Variants in GRIA2 observed in about 807,000 individuals in gnomAD.
GRIA2 encodes glutamate receptor 2.
In GRIA2, 14 loss-of-function variants were observed where a neutral mutation model predicts 97.3. That is an observed-to-expected ratio of 0.14 (90% confidence interval 0.10 to 0.23). GRIA2 has a LOEUF of 0.23. Ranked by LOEUF, GRIA2 falls within the 10% of genes least tolerant of loss-of-function variation. The pLI, the probability that GRIA2 is intolerant of heterozygous loss-of-function variation, is 1.00. For synonymous variants in GRIA2, 412 were observed against 387.8 expected (o/e 1.06, Z -0.73); for missense variants, 558 against 1,069.8 (o/e 0.52, Z 6.67).
At chr4:157,353,296 G>T (rs1736097937) in intron 12 of GRIA2, among the ~76,000 whole-genome samples, 1 of 152,002 alleles carries the variant, frequency 6.6e-6, no homozygotes, top group South Asian at 2.1e-4. Flanking sequence ...AGGTTATGGT[G>T]AGCCAAGATG....
intron 3 of GRIA2, among the ~76,000 whole-genome samples, chr4:157,304,063 A>T (rs556699879): frequency 6.6e-6 from 1 of 152,278 alleles, no homozygotes; most frequent in Non-Finnish European, 1.5e-5. Flanking sequence ...ATAAAAAGCA[A>T]TTTTTTGCAT....
intron 2 of GRIA2, among the ~76,000 whole-genome samples, chr4:157,288,784 T>C (rs1357330174): frequency 6.6e-6 from 1 of 151,828 alleles, no homozygotes; most frequent in African/African-American, 2.4e-5. Flanking sequence ...TGTATTTCTA[T>C]ATTCAGTAGT....
chr4:157,243,447 G>T (rs927837406), intron 2 of GRIA2, among the ~76,000 whole-genome samples: 2 of 152,130 alleles, frequency 1.3e-5, no homozygotes, highest in Non-Finnish European at 2.9e-5. Flanking sequence ...GGAAGAAATT[G>T]AGGGGAAATG....
chr4:157,251,951 T>C (rs1731039304), intron 2 of GRIA2, among the ~76,000 whole-genome samples: 1 of 152,082 alleles, frequency 6.6e-6, no homozygotes, highest in Non-Finnish European at 1.5e-5. Context: ...TTTCATAATA[T>C]TAATAATATC....
chr4:157,221,065 C>T lies in GRIA2; in HGVS notation c.23C>T (p.Ser8Phe). MQKIMHI[S>F]VLLSPVLWGL... ...GAAATGCAAAAGATTATGCATATTTCTGTCCTCCTTTCTCCTGTTTTATGG... is the reference window on the plus strand; with the variant it reads ...GAAATGCAAAAGATTATGCATATTTTTGTCCTCCTTTCTCCTGTTTTATGG... The change falls in exon 1 of 16, where the codon TCT becomes TTT. Residue 8 changes from serine to phenylalanine, a missense_variant. Around this residue, in one of 8 missense-constraint regions of GRIA2, gnomAD observed 96 missense variants for 176.6 expected, o/e 0.54. Coordinates refer to ENST00000264426, the MANE Select transcript of GRIA2 (RefSeq NM_001083619.3). 6.3e-7 allele frequency: 1 copy of T among 1,587,220 alleles called. No homozygotes were observed. Among genetic ancestry groups the T allele is most frequent in the Non-Finnish European group, 8.7e-7 (1 of 1,155,428 alleles).
chr4:157,313,404 G>A (rs1396184761), intron 4 of GRIA2, among the ~76,000 whole-genome samples: 1 of 152,062 alleles, frequency 6.6e-6, no homozygotes, highest in Non-Finnish European at 1.5e-5. Context: ...AAAATATGTA[G>A]GAAGGACACA....
At chr4:157,326,400 G>A (rs542159676) in intron 6 of GRIA2, among the ~76,000 whole-genome samples, 1 of 152,086 alleles carries the variant, frequency 6.6e-6, no homozygotes, top group African/African-American at 2.4e-5. Context: ...CCTCCTACTT[G>A]AAAGTAAGTG....
chr4:157,228,919 C>T (rs1432538031), intron 2 of GRIA2, among the ~76,000 whole-genome samples: 3 of 147,126 alleles, frequency 2.0e-5, no homozygotes, highest in African/African-American at 7.6e-5. Context: ...AGGCCCCTGA[C>T]CGTTATGGGT....
chr4:157,317,856 A>T (rs1283691640), intron 5 of GRIA2, 145 bp downstream of exon 5: 2 of 462,452 alleles, frequency 4.3e-6, no homozygotes, highest in African/African-American at 4.1e-5. Flanking sequence ...GGCACCTGTA[A>T]TCCCAGCTAC....
intron 2 of GRIA2, among the ~76,000 whole-genome samples, chr4:157,286,138 T>C (rs546946137): frequency 1.3e-5 from 2 of 151,592 alleles, no homozygotes; most frequent in Non-Finnish European, 3.0e-5. Flanking sequence ...ATATACCATA[T>C]AGAATCTATT....
chr4:157,355,833 AT>A (rs1311173858), intron 12 of GRIA2, among the ~76,000 whole-genome samples: 163 of 70,096 alleles, frequency 2.3e-3, no homozygotes, highest in African/African-American at 6.1e-3. Context: ...ATTTATATAT[AT>A]TTTTATATAT....
intron 2 of GRIA2, among the ~76,000 whole-genome samples, chr4:157,239,304 AT>A (rs1034780625): frequency 2.6e-5 from 4 of 151,842 alleles, no homozygotes; most frequent in Non-Finnish European, 5.9e-5. Context: ...TCCATGGTTT[AT>A]TTTTTTCTTT....
intron 2 of GRIA2, among the ~76,000 whole-genome samples, chr4:157,234,490 A>G (rs1730157004): frequency 6.6e-6 from 1 of 152,150 alleles, no homozygotes; most frequent in Non-Finnish European, 1.5e-5. Context: ...TTCAATGGAT[A>G]AATAACAAGA....
chr4:157,243,498 G>A (rs1383790982), intron 2 of GRIA2, among the ~76,000 whole-genome samples: 1 of 152,124 alleles, frequency 6.6e-6, no homozygotes, highest in Non-Finnish European at 1.5e-5. Flanking sequence ...TGGTGGCACA[G>A]CTGAAGGACA....
chr4:157,235,762 A>G (rs975213357), intron 2 of GRIA2, among the ~76,000 whole-genome samples: 1 of 151,990 alleles, frequency 6.6e-6, no homozygotes, highest in Non-Finnish European at 1.5e-5. Context: ...CATTGCCACA[A>G]TCTCTTCAAA....
rs147680489 is a variant in GRIA2, at chr4:157,346,351, T to C, written c.2043+4889T>C. ...GCATGATTTCTTTATTGCCATGTTA[T>C]AAATAATGGATTTCACAAATTTGTC... On this transcript the variant is annotated intron_variant, in intron 12 of 15. Transcript: ENST00000264426. 2.9e-3 allele frequency among the ~76,000 whole-genome samples: 447 copies of C among 152,270 alleles called. 6 individuals carry two copies. Among genetic ancestry groups the C allele is most frequent in the Admixed American group, 0.023 (350 of 15,290 alleles).
At chr4:157,250,320 C>T (rs1185969637) in intron 2 of GRIA2, among the ~76,000 whole-genome samples, 1 of 152,024 alleles carries the variant, frequency 6.6e-6, no homozygotes, top group African/African-American at 2.4e-5. Flanking sequence ...ATTATTATAT[C>T]TTAGGAGACT....
intron 13 of GRIA2, among the ~76,000 whole-genome samples, chr4:157,360,543 G>A (rs1321811358): frequency 6.6e-6 from 1 of 152,030 alleles, no homozygotes; most frequent in Admixed American, 6.6e-5. Context: ...ACAGTAAACT[G>A]AAATAACTAA....
chr4:157,328,900 A>G (rs182403509), intron 6 of GRIA2, among the ~76,000 whole-genome samples: 6 of 152,130 alleles, frequency 3.9e-5, no homozygotes, highest in Admixed American at 2.6e-4. Flanking sequence ...TTTCTTGCCA[A>G]TGCAGCTCCC....
Sources: allele counts gnomAD v4.1 joint callset (sites outside exome capture counted in the v4.1 genomes callset), GRCh38; gene constraint gnomAD v4.1.1; regional missense constraint gnomAD v4.1.1; transcripts MANE v1.5; gene names NCBI Gene and HGNC (gene_info 2026-07-23, HGNC 2026-07-21).